Variants in XRRA1 observed in about 807,000 individuals in gnomAD.
XRRA1 encodes the protein X-ray radiation resistance-associated protein 1.
A neutral mutation model predicts 80.2 loss-of-function variants in XRRA1; 69 were observed. The observed-to-expected ratio is 0.86, with a 90% confidence interval of 0.71 to 1.05. XRRA1 has a LOEUF of 1.05. XRRA1 is among the 50% of genes least tolerant of loss of function. XRRA1 has a pLI of 0.00. For synonymous variants in XRRA1, 348 were observed against 389.9 expected, an observed-to-expected ratio of 0.89 and a Z score of 1.27; for missense variants, 967 against 976.4, an observed-to-expected ratio of 0.99 and a Z score of 0.13.
chr11:74,890,489 G>T (rs1360063867), intron 10 of XRRA1, among the ~76,000 whole-genome samples: 1 of 152,126 alleles, frequency 6.6e-6, no homozygotes, highest in Non-Finnish European at 1.5e-5. Context: ...ACAATTAAAA[G>T]AACTAGAGAA....
Position 74,936,988 on chromosome 11 carries a change from G to A in XRRA1, c.175C>T (p.Arg59Trp), listed in dbSNP as rs533912227. The change falls in exon 4 of 19, where the codon CGG (arginine) becomes TGG (tryptophan). Residue 59 changes from arginine to tryptophan, a missense_variant. By Grantham distance (101) the Arg-to-Trp change is moderately radical. Transcript: ENST00000684022. The part of the protein sequence containing the change: ...KGLVGAQAER[R>W]ESLKATSFEF... ...AAAGAAGTCGCCTTCAGGCTTTCCCGACGTTCAGCTTGTGCTCCAACCAAA... is the reference window on the plus strand; with the variant it reads ...AAAGAAGTCGCCTTCAGGCTTTCCCAACGTTCAGCTTGTGCTCCAACCAAA... 7 of 1,613,684 alleles carry A rather than the reference G, an allele frequency of 4.3e-6. No homozygotes were observed. Among genetic ancestry groups the A allele is most frequent in the African/African-American group, 2.7e-5 (2 of 74,966 alleles).
chr11:74,847,219 A>G (rs1453585356), intron 15 of XRRA1, among the ~76,000 whole-genome samples: 1 of 152,202 alleles, frequency 6.6e-6, no homozygotes, highest in Non-Finnish European at 1.5e-5. Context: ...ATATGTCACT[A>G]TAAGTCATCT....
rs1043781726 is a variant in XRRA1, at chr11:74,848,068, C to T, written c.1728+47G>A. On this transcript the variant is annotated intron_variant, in intron 15 of 18. Transcript: ENST00000684022. Reference sequence around the variant, plus strand: ...TCGAGCCTAAGGGCTGCACAGGAACCTGTGGGAGCTAGCAACAAGTGGGCA... The same window carrying T: ...TCGAGCCTAAGGGCTGCACAGGAACTTGTGGGAGCTAGCAACAAGTGGGCA... 2.3e-5 allele frequency: 36 copies of T among 1,539,778 alleles called. 1 individual carries two copies. The highest frequency in any genetic ancestry group is 2.8e-5 in the Non-Finnish European group (32 of 1,136,906).
intron 10 of XRRA1, among the ~76,000 whole-genome samples, chr11:74,874,330 T>C (rs1282675): frequency 0.81 from 122,921 of 151,582 alleles, 49,992 homozygotes; most frequent in African/African-American, 0.85. Context: ...GGCCTTTAAT[T>C]AGTTAAAACA....
intron 8 of XRRA1, among the ~76,000 whole-genome samples, chr11:74,917,707 C>T (rs770704405): frequency 6.6e-6 from 1 of 152,184 alleles, no homozygotes; most frequent in Non-Finnish European, 1.5e-5. Flanking sequence ...GCTCCTCTTA[C>T]AATTATATCT....
chr11:74,896,207 C>A (rs1481813929), intron 10 of XRRA1, among the ~76,000 whole-genome samples: 1 of 152,230 alleles, frequency 6.6e-6, no homozygotes, highest in African/African-American at 2.4e-5. Flanking sequence ...TAAGGTAAAG[C>A]AACAAGCAGC....
At chr11:74,898,032 C>T (rs1335421307) in intron 10 of XRRA1, among the ~76,000 whole-genome samples, 1 of 151,916 alleles carries the variant, frequency 6.6e-6, no homozygotes, top group Non-Finnish European at 1.5e-5. Context: ...AATGATGAAC[C>T]AATAAAAAAT....
intron 9 of XRRA1, 68 bp downstream of exon 9, chr11:74,907,077 C>A (rs2054766012): frequency 6.3e-6 from 10 of 1,597,132 alleles, no homozygotes; most frequent in Non-Finnish European, 8.5e-6. Context: ...GCTTCCAGAA[C>A]AGCACTCAGA....
chr11:74,853,767 A>G (rs903856052), intron 12 of XRRA1, among the ~76,000 whole-genome samples: 1 of 152,226 alleles, frequency 6.6e-6, no homozygotes, highest in African/African-American at 2.4e-5. Context: ...ACAAAGAGAA[A>G]AATGTGTGAA....
At chr11:74,895,983 T>A (rs2052205542) in intron 10 of XRRA1, among the ~76,000 whole-genome samples, 1 of 152,302 alleles carries the variant, frequency 6.6e-6, no homozygotes, top group South Asian at 2.1e-4. Flanking sequence ...CATCCCCTGT[T>A]GACTAAAGAG....
rs1204199087 is a variant in XRRA1 at position 74,878,229 on chromosome 11, T to G, written c.1004-15208A>C. Among the ~76,000 whole-genome samples, 46 of 151,894 alleles carry G rather than the reference T, an allele frequency of 3.0e-4. 2 individuals are homozygous for G. In the East Asian group the frequency reaches 7.9e-3, roughly 26 times the overall value. On this transcript the variant is annotated intron_variant, in intron 10 of 18. Transcript: ENST00000684022. ...TGATGGCCAGTGATGATGAGCATTTTTTCATGTGTTTTTTGGCTGCATAAA... is the reference window on the plus strand; with the variant it reads ...TGATGGCCAGTGATGATGAGCATTTGTTCATGTGTTTTTTGGCTGCATAAA...
chr11:74,849,371 AAGG>A (rs1396131581), intron 14 of XRRA1, among the ~76,000 whole-genome samples: 5 of 152,222 alleles, frequency 3.3e-5, no homozygotes, highest in Non-Finnish European at 7.3e-5. Flanking sequence ...CTAATGGACT[AAGG>A]AGGGCGAAGG....
intron 7 of XRRA1, among the ~76,000 whole-genome samples, chr11:74,924,272 G>A (rs1355917177): frequency 2.0e-5 from 3 of 149,498 alleles, no homozygotes; most frequent in Admixed American, 1.3e-4. Flanking sequence ...TCAGGAGATC[G>A]AGACCATCCT....
chr11:74,947,799 A>ACAGCAAC (rs1395956856), intron 1 of XRRA1, among the ~76,000 whole-genome samples: 1 of 152,054 alleles, frequency 6.6e-6, no homozygotes, highest in Non-Finnish European at 1.5e-5. Context: ...ATCTCGGCTC[A>ACAGCAAC]CTGCAACCTC....
At chr11:74,946,826 A>G (rs1947648431) in intron 1 of XRRA1, among the ~76,000 whole-genome samples, 1 of 149,144 alleles carries the variant, frequency 6.7e-6, no homozygotes, top group African/African-American at 2.5e-5. Flanking sequence ...ATCTCAGCTC[A>G]CTGCAAGCTC....
chr11:74,866,233 GTTTT>G (rs566408067), intron 10 of XRRA1, among the ~76,000 whole-genome samples: 1 of 151,948 alleles, frequency 6.6e-6, no homozygotes, highest in Admixed American at 6.6e-5. Flanking sequence ...ATTTTTTTGG[GTTTT>G]TTTATTTTTT....
At chr11:74,851,006 G>A in intron 14 of XRRA1, 82 bp downstream of exon 14, 1 of 1,028,186 alleles carries the variant, frequency 9.7e-7, no homozygotes, top group Non-Finnish European at 1.4e-6. Context: ...GGAGTGAGCA[G>A]CTCTACAGCC....
intron 8 of XRRA1, among the ~76,000 whole-genome samples, chr11:74,910,193 A>G (rs930778452): frequency 3.3e-5 from 5 of 152,222 alleles, no homozygotes; most frequent in African/African-American, 1.2e-4. Flanking sequence ...AACTGTGCAA[A>G]CACACAGAAT....
At chr11:74,947,849 C>T (rs113194291) in intron 1 of XRRA1, among the ~76,000 whole-genome samples, 1 of 152,130 alleles carries the variant, frequency 6.6e-6, no homozygotes, top group Non-Finnish European at 1.5e-5. Flanking sequence ...CTCAGCCTCC[C>T]AAGTAGCTGG....
Sources: gnomAD v4.1 joint callset for allele counts (sites outside exome capture counted in the v4.1 genomes callset) on GRCh38, gnomAD v4.1.1 for gene constraint, MANE v1.5 for transcripts, NCBI Gene and HGNC (gene_info 2026-07-23, HGNC 2026-07-21) for gene names.